Variants in XRCC5 observed in about 807,000 individuals in gnomAD.
XRCC5 encodes X-ray repair cross complementing 5.
Under a neutral mutation model 95.7 loss-of-function variants are expected in XRCC5, and 12 were observed. The observed-to-expected ratio is 0.13, with a 90% CI of 0.08 to 0.20. XRCC5 has a LOEUF of 0.20. Ranked by LOEUF, XRCC5 falls within the 10% of genes least tolerant of loss-of-function variation. XRCC5 has a pLI of 1.00. For missense variants in XRCC5, 595 were observed against 873.9 expected, an observed-to-expected ratio of 0.68 and a Z score of 4.02; for synonymous variants, 281 against 290.3, an observed-to-expected ratio of 0.97 and a Z score of 0.33.
At chr2:216,117,694 G>A (rs367571810) in intron 3 of XRCC5, 52 bp from the exon 4 acceptor site, 24 of 1,576,912 alleles carry the variant, frequency 1.5e-5, no homozygotes, top group South Asian at 2.2e-5. Context: ...AAAGAGTTGC[G>A]TGTTCACATG....
chr2:216,195,362 TTTC>T (rs1438422240), intron 19 of XRCC5, among the ~76,000 whole-genome samples: 4 of 110,432 alleles, frequency 3.6e-5, no homozygotes, highest in Non-Finnish European at 5.8e-5. Flanking sequence ...TTTCTTTTCT[TTTC>T]TTTTCTTTTC....
intron 9 of XRCC5, chr2:216,131,246 G>A: frequency 1.0e-6 from 1 of 985,392 alleles, no homozygotes; most frequent in Non-Finnish European, 1.2e-6. Context: ...GCGGAGATGA[G>A]GGGTATTTGA....
chr2:216,114,886 G>A (rs545720622), intron 2 of XRCC5, among the ~76,000 whole-genome samples: 4 of 152,290 alleles, frequency 2.6e-5, no homozygotes, highest in African/African-American at 9.6e-5. Context: ...ACCACACTAC[G>A]CATGCGGCCC....
chr2:216,155,278 T>A (rs1378555279), intron 14 of XRCC5, among the ~76,000 whole-genome samples: 12 of 145,044 alleles, frequency 8.3e-5, no homozygotes, highest in Non-Finnish European at 1.4e-4. Context: ...ATAATTAGGA[T>A]ATACAAGGAC....
chr2:216,165,202 G>A (rs892835524), intron 16 of XRCC5, among the ~76,000 whole-genome samples: 4 of 152,030 alleles, frequency 2.6e-5, no homozygotes, highest in Admixed American at 6.5e-5. Flanking sequence ...CCTTTCCTAC[G>A]CTTTTTAAAA....
chr2:216,113,392 C>T (rs2105998388), intron 2 of XRCC5, among the ~76,000 whole-genome samples: 1 of 152,298 alleles, frequency 6.6e-6, no homozygotes, highest in African/African-American at 2.4e-5. Context: ...TTTAAAAGCA[C>T]AATCTCTAGA....
intron 14 of XRCC5, among the ~76,000 whole-genome samples, chr2:216,154,072 A>C (rs959242718): frequency 1.3e-5 from 2 of 152,176 alleles, no homozygotes; most frequent in African/African-American, 2.4e-5. Context: ...ATTTACCTCA[A>C]ATCTAACGCT....
chr2:216,158,769 G>T (rs41301690), intron 14 of XRCC5, among the ~76,000 whole-genome samples: 1 of 152,182 alleles, frequency 6.6e-6, no homozygotes, highest in African/African-American at 2.4e-5. Flanking sequence ...ATTCATGGAT[G>T]TATGGCTGTG....
At chr2:216,130,294 A>G (rs1304152378) in intron 8 of XRCC5, among the ~76,000 whole-genome samples, 3 of 151,044 alleles carry the variant, frequency 2.0e-5, no homozygotes. Context: ...ATCCTATGTA[A>G]TTAAAAAGAA....
chr2:216,204,863 T>G (rs747111706), intron 20 of XRCC5, among the ~76,000 whole-genome samples: 49 of 152,222 alleles, frequency 3.2e-4, no homozygotes, highest in Non-Finnish European at 6.2e-4. Context: ...CATTACACCA[T>G]GTTGTTGATG....
intron 12 of XRCC5, 34 bp downstream of exon 12, chr2:216,138,213 TAC>T (rs779046541): frequency 1.9e-6 from 3 of 1,566,704 alleles, no homozygotes; most frequent in Non-Finnish European, 2.6e-6. Context: ...ACTCATTGAC[TAC>T]ACACACTGTT....
chr2:216,193,504 C>T (rs1032465451), intron 18 of XRCC5, among the ~76,000 whole-genome samples: 13 of 152,264 alleles, frequency 8.5e-5, no homozygotes, highest in East Asian at 3.9e-4. Context: ...CCTATCTATC[C>T]GCCTTCTAAT....
At chr2:216,113,277 C>G (rs775178379) in intron 2 of XRCC5, 148 bp downstream of exon 2, 11 of 609,918 alleles carry the variant, frequency 1.8e-5, no homozygotes, top group Non-Finnish European at 2.6e-5. Flanking sequence ...TACTCACATA[C>G]AACTTCACCT....
intron 13 of XRCC5, among the ~76,000 whole-genome samples, chr2:216,146,018 A>AGG (rs1044089539): frequency 1.5e-4 from 23 of 152,222 alleles, no homozygotes; most frequent in African/African-American, 5.5e-4. Context: ...GAAGGTGGTG[A>AGG]GGGGGTAGAT....
At chr2:216,111,796 A>G (rs1696595484) in intron 1 of XRCC5, among the ~76,000 whole-genome samples, 1 of 152,138 alleles carries the variant, frequency 6.6e-6, no homozygotes, top group South Asian at 2.1e-4. Flanking sequence ...CTTAAACCTC[A>G]TCTAGTCCAA....
At chr2:216,129,662 T>C (rs1696950186) in intron 8 of XRCC5, among the ~76,000 whole-genome samples, 2 of 152,152 alleles carry the variant, frequency 1.3e-5, no homozygotes. Flanking sequence ...AAAAAAGACA[T>C]ACATGGAAAT....
chr2:216,172,271 G>C (rs1233261117), intron 16 of XRCC5, among the ~76,000 whole-genome samples: 1 of 152,126 alleles, frequency 6.6e-6, no homozygotes, highest in Admixed American at 6.6e-5. Flanking sequence ...GGAGTGTCTG[G>C]TGGAAAGGAG....
chr2:216,125,234 G>C (rs1327737052), intron 6 of XRCC5, among the ~76,000 whole-genome samples: 1 of 132,326 alleles, frequency 7.6e-6, no homozygotes, highest in African/African-American at 2.9e-5. Flanking sequence ...TTTCATTCTT[G>C]TTGGCCAGGC....
At chr2:216,127,164 C>G (rs569301239) in intron 7 of XRCC5, among the ~76,000 whole-genome samples, 2 of 152,064 alleles carry the variant, frequency 1.3e-5, no homozygotes, top group Non-Finnish European at 2.9e-5. Flanking sequence ...CACTTAATCC[C>G]GGGAGGCGGA....
Sources: gnomAD v4.1 joint callset for allele counts (sites outside exome capture counted in the v4.1 genomes callset) on GRCh38, gnomAD v4.1.1 for gene constraint, MANE v1.5 for transcripts, NCBI Gene and HGNC (gene_info 2026-07-23, HGNC 2026-07-21) for gene names.